Variants in MMRN1 observed in about 807,000 individuals in gnomAD.
The protein encoded by MMRN1 is multimerin-1.
A neutral mutation model predicts 100.7 loss-of-function variants in MMRN1; 94 were observed. The observed-to-expected ratio is 0.93, with a 90% CI of 0.79 to 1.11. The LOEUF (loss-of-function observed/expected upper bound fraction) is 1.11, where lower values mean the gene tolerates loss of function less well. Among genes scored for constraint, MMRN1 ranks in the 50% least tolerant of loss-of-function variants. The probability of loss-of-function intolerance (pLI) is 0.00; values close to 1 mark genes in which losing one functional copy is unlikely to be tolerated. For synonymous variants in MMRN1, 575 were observed against 505.0 expected, an observed-to-expected ratio of 1.14 and a Z score of -1.86; for missense variants, 1,606 against 1,439.1, an observed-to-expected ratio of 1.12 and a Z score of -1.88.
intron 5 of MMRN1, 27 bp downstream of exon 5, chr4:89,927,995 C>A (rs969255458): frequency 2.0e-6 from 3 of 1,476,362 alleles, no homozygotes; most frequent in Middle Eastern, 1.8e-4. Flanking sequence ...ATAAAATATT[C>A]ATTCAGTAAC....
At chr4:89,912,122 T>C in intron 3 of MMRN1, 72 bp downstream of exon 3, 4 of 1,109,396 alleles carry the variant, frequency 3.6e-6, no homozygotes, top group Non-Finnish European at 5.1e-6. Context: ...AGAATAGCAT[T>C]TCCCCTTTTG....
Position 89,935,415 on chromosome 4 carries a change from G to A in MMRN1, c.1735G>A (p.Val579Ile), listed in dbSNP as rs369300887. Residue 579 changes from valine to isoleucine, a missense_variant, in exon 6 of 8, where the codon GTC becomes ATC. Val to Ile is a conservative substitution (Grantham distance 29). Transcript: ENST00000264790. ...AGAAAGCAAGATTAACAATCTCACC[G>A]TCTCTTTGGAGATGGAGAAAGAGTC... ...IQESKINNLT[V>I]SLEMEKESLR... 1.1e-4 allele frequency: 174 copies of A among 1,613,434 alleles called. 1 individual carries two copies. Among genetic ancestry groups the A allele is most frequent in the South Asian group, 5.9e-4 (54 of 91,042 alleles).
chr4:89,919,498 G>GC (rs1722022883), intron 3 of MMRN1, among the ~76,000 whole-genome samples: 1 of 151,526 alleles, frequency 6.6e-6, no homozygotes, highest in South Asian at 2.1e-4. Flanking sequence ...TACCTAGCAA[G>GC]AAAAAATAAT....
At position 89,885,011 on chromosome 4, in the gene MMRN1, G is replaced by T. The variant is rs532653816; in HGVS notation, c.-249+5409G>T. ...TAAAGATGTTAGCTATAGACTCTTT[G>T]TAGATGCCTTCTATTACTAGTATGC... On this transcript the variant is annotated intron_variant, in intron 1 of 8. Transcript: ENST00000394980. Among the ~76,000 whole-genome samples the T allele has an allele frequency of 3.5e-3, 530 of 152,192 alleles. 5 individuals are homozygous for T. The highest frequency in any genetic ancestry group is 0.012 in the African/African-American group (493 of 41,540).
intron 1 of MMRN1, among the ~76,000 whole-genome samples, chr4:89,904,249 A>C (rs1721486359): frequency 6.6e-6 from 1 of 151,542 alleles, no homozygotes. Context: ...TTTTTTCAGT[A>C]TGTATGTATT....
At chr4:89,946,692 G>T (rs1393321535) in intron 6 of MMRN1, among the ~76,000 whole-genome samples, 1 of 152,066 alleles carries the variant, frequency 6.6e-6, no homozygotes, top group Non-Finnish European at 1.5e-5. Context: ...ATGACAGGGT[G>T]CTTTGAAAAT....
chr4:89,937,128 C>A (rs1327035473), intron 6 of MMRN1, among the ~76,000 whole-genome samples: 2 of 152,046 alleles, frequency 1.3e-5, no homozygotes, highest in Non-Finnish European at 2.9e-5. Flanking sequence ...GCAAGGAGAT[C>A]TTTAATAGAC....
intron 1 of MMRN1, among the ~76,000 whole-genome samples, chr4:89,884,727 G>T (rs745533301): frequency 6.6e-6 from 1 of 152,024 alleles, no homozygotes; most frequent in African/African-American, 2.4e-5. Flanking sequence ...CTCCCAAGTA[G>T]CTGGGACTAC....
intron 3 of MMRN1, among the ~76,000 whole-genome samples, chr4:89,920,557 T>C (rs1197281536): frequency 2.0e-5 from 3 of 152,154 alleles, no homozygotes; most frequent in Admixed American, 6.6e-5. Context: ...TAAGGAATTG[T>C]ATGAGACTCA....
chr4:89,887,437 G>A (rs1720962649), intron 1 of MMRN1, among the ~76,000 whole-genome samples: 1 of 151,938 alleles, frequency 6.6e-6, no homozygotes. Context: ...GATGGTGCTG[G>A]CATGAAAGCA....
At chr4:89,910,273 T>C (rs901592153) in intron 2 of MMRN1, among the ~76,000 whole-genome samples, 2 of 151,408 alleles carry the variant, frequency 1.3e-5, no homozygotes, top group Non-Finnish European at 3.0e-5. Flanking sequence ...ACTCTCTTTG[T>C]GACAATTTCC....
At chr4:89,889,953 G>C (rs1721014519), upstream of MMRN1, among the ~76,000 whole-genome samples, 1 of 152,018 alleles carries the variant, frequency 6.6e-6, no homozygotes, top group African/African-American at 2.4e-5. Flanking sequence ...TCTAGCCTTT[G>C]GAGGACCTTT....
intron 5 of MMRN1, among the ~76,000 whole-genome samples, chr4:89,933,956 G>A (rs188260401): frequency 6.6e-6 from 1 of 151,784 alleles, no homozygotes; most frequent in African/African-American, 2.4e-5. Context: ...ATTTTAAATA[G>A]TCATTTTCTA....
At chr4:89,885,087 G>C (rs1302720975) in intron 1 of MMRN1, among the ~76,000 whole-genome samples, 1 of 151,988 alleles carries the variant, frequency 6.6e-6, no homozygotes, top group Non-Finnish European at 1.5e-5. Context: ...TGTTTCTACA[G>C]TATCTACTTA....
chr4:89,913,486 C>T (rs1253123917), intron 3 of MMRN1, among the ~76,000 whole-genome samples: 1 of 151,244 alleles, frequency 6.6e-6, no homozygotes, highest in African/African-American at 2.4e-5. Context: ...TTCTTTATCA[C>T]TATGGTGGAC....
intron 1 of MMRN1, among the ~76,000 whole-genome samples, chr4:89,899,737 C>A (rs1006834012): frequency 6.6e-6 from 1 of 152,032 alleles, no homozygotes; most frequent in Admixed American, 6.6e-5. Flanking sequence ...TTGGATAGAT[C>A]TTTGGCATTT....
Position 89,936,653 on chromosome 4 carries a change from T to C in MMRN1, c.2973T>C (p.Pro991=), listed in dbSNP as rs1276478675. The C allele has an allele frequency of 6.2e-7, 1 of 1,613,418 alleles. No individual in the cohort carries two copies. The highest frequency in any genetic ancestry group is 8.5e-7 in the Non-Finnish European group (1 of 1,179,660). The part of the protein sequence containing the change: ...NLTCCIDRSL[P]GSLANVVKSQ... Reference sequence around the variant, plus strand: ...CTTGTTGTATAGATCGATCGTTGCCTGGTAGTCTGGCAAATGTTGTCAAGT... The same window carrying C: ...CTTGTTGTATAGATCGATCGTTGCCCGGTAGTCTGGCAAATGTTGTCAAGT... The change falls in exon 6 of 8, where the codon CCT becomes CCC. Residue 991 remains proline, a synonymous_variant. Transcript: ENST00000264790.
chr4:89,899,135 T>C (rs1721302738), intron 1 of MMRN1, among the ~76,000 whole-genome samples: 1 of 152,162 alleles, frequency 6.6e-6, no homozygotes, highest in South Asian at 2.1e-4. Flanking sequence ...GGCGTATTTA[T>C]GTTTATTACA....
At chr4:89,893,804 G>A (rs1212751521), upstream of MMRN1, among the ~76,000 whole-genome samples, 2 of 152,118 alleles carry the variant, frequency 1.3e-5, no homozygotes, top group Non-Finnish European at 2.9e-5. Context: ...ATGAATGAGT[G>A]AATGAATGAA....
Sources: gnomAD v4.1 joint callset for allele counts (sites outside exome capture counted in the v4.1 genomes callset) on GRCh38, gnomAD v4.1.1 for gene constraint, MANE v1.5 for transcripts, NCBI Gene and HGNC (gene_info 2026-07-23, HGNC 2026-07-21) for gene names.